Variants in TMEM214 observed in about 807,000 individuals in gnomAD.
The protein encoded by TMEM214 is transmembrane protein 214.
Under a neutral mutation model 89.8 loss-of-function variants are expected in TMEM214, and 71 were observed. The observed-to-expected ratio is 0.79, with a 90% CI of 0.65 to 0.96. The LOEUF (loss-of-function observed/expected upper bound fraction) is 0.96, where lower values mean the gene tolerates loss of function less well. Among genes scored for constraint, TMEM214 ranks in the 40% least tolerant of loss-of-function variants. TMEM214 has a pLI of 0.00. For missense variants in TMEM214, 754 were observed against 843.4 expected, an observed-to-expected ratio of 0.89 and a Z score of 1.31; for synonymous variants, 332 against 349.5, an observed-to-expected ratio of 0.95 and a Z score of 0.56.
At chr2:27,033,959 T>A in intron 1 of TMEM214, 108 bp from the exon 2 acceptor site, 1 of 1,241,330 alleles carries the variant, frequency 8.1e-7, no homozygotes, top group Non-Finnish European at 1.2e-6. Flanking sequence ...TGAGACAGGC[T>A]CTTCCCTGGA....
Position 27,034,101 on chromosome 2 carries a change from G to C in TMEM214, c.186G>C (p.Arg62=), listed in dbSNP as rs773387689. The C allele has an allele frequency of 2.5e-6, 4 of 1,614,014 alleles. No homozygotes were observed. In the African/African-American group the frequency reaches 4.0e-5, roughly 16 times the overall value. ...AIQTTSTLYE[R]GFENIMKRQN... ...AGACCACAAGCACCCTTTATGAGCG[G>C]GGCTTTGAGAATATCATGAAGCGGC... Residue 62 remains arginine (R), a synonymous_variant, in exon 2 of 17, where the codon CGG becomes CGC. Transcript: ENST00000238788.
chr2:27,040,974 C>T lies in TMEM214; in HGVS notation c.*137C>T, dbSNP rs914912682. 2 of 1,045,736 alleles carry T rather than the reference C, an allele frequency of 1.9e-6. No homozygotes were observed. The highest frequency in any genetic ancestry group is 2.8e-6 in the Non-Finnish European group (2 of 725,986). The allele number at this position is 1,045,736 out of a possible 1,614,324, so 64.8% of individuals were successfully genotyped here. On this transcript the variant is annotated 3_prime_UTR_variant, in exon 17 of 17. Transcript: ENST00000238788. ...TCCTAGGCAAGTGGCCAGTTGCCTC[C>T]ACCTCAGTTCTTCCATCTTTGGTGG...
In TMEM214 at chr2:27,034,383, G is replaced by T. The variant is rs899953855; in HGVS notation, c.351+117G>T. 2.8e-5 allele frequency: 33 copies of T among 1,197,208 alleles called. No individual in the cohort carries two copies. In the African/African-American group the frequency reaches 4.6e-4, roughly 17 times the overall value. 74.2% of individuals were successfully genotyped at this position (1,197,208 alleles called of 1,614,324 possible). ...CCTATGGGATTTGAAACACTTTAAG[G>T]GTTGAGAGGAGTTCAGGAAAAGATG... On this transcript the variant is annotated intron_variant, in intron 2 of 16. Coordinates refer to ENST00000238788, the MANE Select transcript of TMEM214 (RefSeq NM_017727.5).
Position 27,040,145 on chromosome 2 carries a change from T to C in TMEM214, c.1738T>C (p.Cys580Arg), listed in dbSNP as rs1667768211. The C allele has an allele frequency of 6.2e-7, 1 of 1,608,246 alleles. No individual in the cohort carries two copies. Among genetic ancestry groups the C allele is most frequent in the Non-Finnish European group, 8.5e-7 (1 of 1,180,012 alleles). ...NATVSFLSAHCASHLAWFGDS... is the reference protein window; with the variant it reads ...NATVSFLSAHRASHLAWFGDS... ...CACAGTCAGCTTCCTTTCTGCCCAC[T>C]GTGCCTCTCACCTTGCGTGGTTTGG... Residue 580 changes from cysteine (C) to arginine (R), a missense_variant, in exon 15 of 17, where the codon TGT (cysteine) becomes CGT (arginine). Transcript: ENST00000238788.
intron 6 of TMEM214, 47 bp downstream of exon 6, chr2:27,036,639 A>G: frequency 6.2e-7 from 1 of 1,613,314 alleles, no homozygotes; most frequent in South Asian, 1.1e-5. Flanking sequence ...GGAGCTGGAA[A>G]ACTCCTCTTT....
chr2:27,037,949 T>G (rs1344895061), intron 9 of TMEM214, 197 bp from the exon 10 acceptor site: 5 of 1,550,696 alleles, frequency 3.2e-6, no homozygotes, highest in Non-Finnish European at 4.4e-6. Context: ...AGCTCAAAGC[T>G]CTAGCTCAGG....
intron 16 of TMEM214, 85 bp from the exon 17 acceptor site, chr2:27,040,626 G>T: frequency 6.3e-7 from 1 of 1,591,130 alleles, no homozygotes; most frequent in Non-Finnish European, 8.6e-7. Context: ...ACCCTGGGAT[G>T]AGGGTTGTGG....
intron 14 of TMEM214, 57 bp downstream of exon 14, chr2:27,039,894 AGGG>A (rs2148249559): frequency 1.0e-5 from 13 of 1,249,160 alleles, no homozygotes; most frequent in Non-Finnish European, 1.4e-5. Flanking sequence ...CCTGGGTGTC[AGGG>A]AGGAGGCGAC....
At chr2:27,039,656 G>C in intron 13 of TMEM214, 85 bp from the exon 14 acceptor site, 1 of 1,193,866 alleles carries the variant, frequency 8.4e-7, no homozygotes, top group Non-Finnish European at 1.3e-6. Flanking sequence ...GCGCCTCGCT[G>C]TGCCTGCTCT....
chr2:27,034,090 C>T lies in TMEM214; in HGVS notation c.175C>T (p.Leu59Phe). The T allele has an allele frequency of 8.1e-6, 13 of 1,614,138 alleles. No homozygotes were observed. The highest frequency in any genetic ancestry group is 1.0e-5 in the Non-Finnish European group (12 of 1,180,016). The change falls in exon 2 of 17, where the codon CTT (leucine) becomes TTT (phenylalanine). Residue 59 changes from leucine to phenylalanine, a missense_variant. Coordinates refer to ENST00000238788, the MANE Select transcript of TMEM214 (RefSeq NM_017727.5). ...LTPAIQTTST[L>F]YERGFENIMK... ...AGCTGCAATCCAGACCACAAGCACC[C>T]TTTATGAGCGGGGCTTTGAGAATAT... is the stretch of plus-strand genomic sequence containing the variant.
intron 8 of TMEM214, among the ~76,000 whole-genome samples, 163 bp from the exon 9 acceptor site, chr2:27,037,398 A>G (rs1482207215): frequency 6.6e-6 from 1 of 152,128 alleles, no homozygotes; most frequent in Non-Finnish European, 1.5e-5. Context: ...CATGGCTTTC[A>G]ACAGATTTCC....
At chr2:27,033,801 C>T (rs1025785586) in intron 1 of TMEM214, among the ~76,000 whole-genome samples, 2 of 152,074 alleles carry the variant, frequency 1.3e-5, no homozygotes, top group Admixed American at 1.3e-4. Flanking sequence ...TATCCAACCT[C>T]TCTGCTTGTT....
intron 2 of TMEM214, chr2:27,034,569 C>A (rs1444002061): frequency 3.5e-6 from 1 of 288,010 alleles, no homozygotes; most frequent in Non-Finnish European, 6.5e-6. Context: ...AAATACTGAT[C>A]TTTCATTTTC....
rs550478377 is a variant in TMEM214, at chr2:27,041,282, C to T, written c.*445C>T. ...CCTGTTCCCATTCTTGGTCACAGCT[C>T]TAGCCACAGCAGAAGGAAAGGGGCT... is the stretch of plus-strand genomic sequence containing the variant. On this transcript the variant is annotated 3_prime_UTR_variant, in exon 17 of 17. Transcript: ENST00000238788. The T allele has an allele frequency of 6.2e-6, 1 of 161,362 alleles. No individual in the cohort carries two copies. Among genetic ancestry groups the T allele is most frequent in the East Asian group, 1.8e-4 (1 of 5,572 alleles). The allele number at this position is 161,362 out of a possible 1,614,324, so 10.0% of individuals were successfully genotyped here. A position where few individuals can be genotyped will look rare whatever the true frequency, so the allele number is the denominator to read the frequency against.
At chr2:27,037,246 GTCTC>G in intron 8 of TMEM214, 68 bp downstream of exon 8, 4 of 1,292,748 alleles carry the variant, frequency 3.1e-6, no homozygotes, top group Non-Finnish European at 4.5e-6. Context: ...ACATATTCCC[GTCTC>G]TCCTTCCCCA....
At chr2:27,035,418 G>T in intron 3 of TMEM214, 133 bp downstream of exon 3, 1 of 1,433,740 alleles carries the variant, frequency 7.0e-7, no homozygotes, top group Non-Finnish European at 9.5e-7. Flanking sequence ...CATCGTGACT[G>T]TGAATGTTTC....
Position 27,040,766 on chromosome 2 carries a change from A to T in TMEM214, c.1999A>T (p.Thr667Ser). 1 of 1,614,172 alleles carries T rather than the reference A, an allele frequency of 6.2e-7. No homozygotes were observed. The highest frequency in any genetic ancestry group is 8.5e-7 in the Non-Finnish European group (1 of 1,180,024). The change falls in exon 17 of 17, where the codon ACC becomes TCC. Residue 667 changes from threonine to serine, a missense_variant. Coordinates refer to ENST00000238788, the MANE Select transcript of TMEM214 (RefSeq NM_017727.5). ...KTQLSEAVHW[T>S]WLCLQDITVA... ...ACAGCTCAGTGAGGCTGTCCACTGGACCTGGCTTTGCCTACAGGACATTAC... is the reference window on the plus strand; with the variant it reads ...ACAGCTCAGTGAGGCTGTCCACTGGTCCTGGCTTTGCCTACAGGACATTAC...
Position 27,034,172 on chromosome 2 carries a change from C to G in TMEM214, c.257C>G (p.Pro86Arg), listed in dbSNP as rs770076911. The G allele has an allele frequency of 6.2e-7, 1 of 1,614,132 alleles. No homozygotes were observed. The highest frequency in any genetic ancestry group is 2.2e-5 in the East Asian group (1 of 44,872). Residue 86 changes from proline to arginine, a missense_variant, in exon 2 of 17, where the codon CCA becomes CGA. Pro to Arg is a moderately radical substitution (Grantham distance 103). Transcript: ENST00000238788. ...VPPPAVEPKKPGNKKQPKKVA... is the reference protein window; with the variant it reads ...VPPPAVEPKKRGNKKQPKKVA... ...CCCCCTGCTGTGGAACCTAAGAAAC[C>G]AGGGAACAAGAAGCAGCCAAAGAAG... is the stretch of plus-strand genomic sequence containing the variant.
chr2:27,032,985 G>C lies in TMEM214; in HGVS notation c.-31G>C, dbSNP rs974253849. 2 of 1,245,014 alleles carry C rather than the reference G, an allele frequency of 1.6e-6. No homozygotes were observed. The highest frequency in any genetic ancestry group is 6.3e-5 in the East Asian group (2 of 31,632). The allele number at this position is 1,245,014 out of a possible 1,614,324, so 77.1% of individuals were successfully genotyped here. A position where few individuals can be genotyped will look rare whatever the true frequency, so the allele number is the denominator to read the frequency against. ...CGCTCGCGCCGGACCGGAAAGCCGG[G>C]GAAGTGGCCGAGGAGGGAGGGCTGC... On this transcript the variant is annotated 5_prime_UTR_variant, in exon 1 of 17. Transcript: ENST00000238788.
Sources: gnomAD v4.1 joint callset for allele counts (sites outside exome capture counted in the v4.1 genomes callset) on GRCh38, gnomAD v4.1.1 for gene constraint, MANE v1.5 for transcripts, NCBI Gene and HGNC (gene_info 2026-07-23, HGNC 2026-07-21) for gene names.